The following SNTG1 variants were observed in gnomAD, a reference collection of about 807,000 sequenced individuals.
The protein encoded by SNTG1 is syntrophin gamma 1, also known as gamma-1-syntrophin.
A neutral mutation model predicts 74.7 loss-of-function variants in SNTG1; 39 were observed. That is an observed-to-expected ratio of 0.52 (90% CI 0.40 to 0.68). SNTG1 has a LOEUF of 0.68. Ranked by LOEUF, SNTG1 falls within the 30% of genes least tolerant of loss-of-function variation. The pLI, the probability that SNTG1 is intolerant of heterozygous loss-of-function variation, is 0.00. For missense variants in SNTG1, 685 were observed against 609.5 expected (o/e 1.12, Z -1.30); for synonymous variants, 254 against 217.1 (o/e 1.17, Z -1.49).
intron 16 of SNTG1, among the ~76,000 whole-genome samples, chr8:50,705,665 T>C (rs576714541): frequency 3.3e-5 from 5 of 152,316 alleles, no homozygotes; most frequent in African/African-American, 1.2e-4. Flanking sequence ...TGGAATTATC[T>C]TATCATGTGC....
At chr8:50,175,511 C>T (rs1294745714) in intron 2 of SNTG1, among the ~76,000 whole-genome samples, 1 of 152,206 alleles carries the variant, frequency 6.6e-6, no homozygotes, top group Non-Finnish European at 1.5e-5. Flanking sequence ...TTATTCTGGG[C>T]TAGCCATCAG....
At chr8:49,993,683 A>G (rs1282728899) in intron 1 of SNTG1, among the ~76,000 whole-genome samples, 1 of 152,130 alleles carries the variant, frequency 6.6e-6, no homozygotes. Context: ...CTGTGTTAGT[A>G]TGCCAAGAAT....
chr8:50,356,924 C>T (rs146635595), intron 2 of SNTG1, among the ~76,000 whole-genome samples: 1 of 152,316 alleles, frequency 6.6e-6, no homozygotes, highest in East Asian at 1.9e-4. Context: ...ACAACCTCAG[C>T]GTGACTTTTG....
At chr8:50,779,244 T>G (rs761222835) in intron 18 of SNTG1, among the ~76,000 whole-genome samples, 10 of 152,282 alleles carry the variant, frequency 6.6e-5, no homozygotes, top group Non-Finnish European at 1.0e-4. Context: ...GTGAAGAAAG[T>G]CATTGGTAGC....
At chr8:50,439,326 A>G (rs1227788682) in intron 5 of SNTG1, among the ~76,000 whole-genome samples, 3 of 152,150 alleles carry the variant, frequency 2.0e-5, no homozygotes, top group Non-Finnish European at 4.4e-5. Flanking sequence ...GTTTAACTTT[A>G]TAATTATTGG....
In SNTG1 at chr8:50,795,690, A is replaced by G. The variant is rs565223621; in HGVS notation, c.*2861A>G. On this transcript the variant is annotated 3_prime_UTR_variant, in exon 19 of 19. Coordinates refer to ENST00000642720, the MANE Select transcript of SNTG1 (RefSeq NM_018967.5). ...AGGTCAGAGAATGAAGTTCAAAGTC[A>G]TTTGAAAACTGCTAACTACTATAAT... The G allele has an allele frequency of 6.6e-6, 1 of 152,220 alleles. No homozygotes were observed. Among genetic ancestry groups the G allele is most frequent in the African/African-American group, 2.4e-5 (1 of 41,560 alleles). 9.4% of individuals were successfully genotyped at this position (152,220 alleles called of 1,614,324 possible).
intron 2 of SNTG1, among the ~76,000 whole-genome samples, chr8:50,208,478 G>T (rs545572868): frequency 6.6e-6 from 1 of 152,176 alleles, no homozygotes; most frequent in Admixed American, 6.5e-5. Context: ...TGGTTCTTCT[G>T]AATACAGCAC....
intron 1 of SNTG1, among the ~76,000 whole-genome samples, chr8:50,116,896 C>T (rs2080842860): frequency 6.6e-6 from 1 of 152,080 alleles, no homozygotes; most frequent in Non-Finnish European, 1.5e-5. Context: ...TTCAGAACTG[C>T]AAAGGAGTCA....
chr8:50,213,762 C>G (rs539851815), intron 2 of SNTG1, among the ~76,000 whole-genome samples: 1 of 151,862 alleles, frequency 6.6e-6, no homozygotes, highest in Non-Finnish European at 1.5e-5. Flanking sequence ...CTTCGCCCAC[C>G]TTTTGACGGG....
intron 1 of SNTG1, among the ~76,000 whole-genome samples, chr8:50,053,036 T>G (rs2130888234): frequency 6.6e-6 from 1 of 152,282 alleles, no homozygotes; most frequent in East Asian, 1.9e-4. Context: ...AGTTCTCATG[T>G]GACCCAGTAA....
intron 2 of SNTG1, among the ~76,000 whole-genome samples, chr8:50,278,752 G>T (rs1416524428): frequency 2.6e-5 from 4 of 151,912 alleles, no homozygotes; most frequent in African/African-American, 9.7e-5. Flanking sequence ...ATCAAGTACA[G>T]TTACATATCT....
chr8:50,415,446 G>A (rs1341806940), intron 4 of SNTG1, among the ~76,000 whole-genome samples: 5 of 152,004 alleles, frequency 3.3e-5, no homozygotes, highest in Admixed American at 6.6e-5. Flanking sequence ...TGATGTAAAT[G>A]TTTACTTATA....
intron 1 of SNTG1, among the ~76,000 whole-genome samples, chr8:49,999,951 C>G (rs530518187): frequency 6.6e-6 from 1 of 152,316 alleles, no homozygotes; most frequent in African/African-American, 2.4e-5. Context: ...GGGCCTCGAT[C>G]AGTTCCTGGC....
intron 18 of SNTG1, among the ~76,000 whole-genome samples, chr8:50,763,041 C>T (rs1056755940): frequency 6.6e-6 from 1 of 151,824 alleles, no homozygotes; most frequent in Non-Finnish European, 1.5e-5. Context: ...CCACACTGAG[C>T]CTCCAGCAAG....
intron 10 of SNTG1, among the ~76,000 whole-genome samples, chr8:50,534,300 G>A (rs2094291950): frequency 6.6e-6 from 1 of 152,056 alleles, no homozygotes; most frequent in Non-Finnish European, 1.5e-5. Flanking sequence ...GGGGTTCTGG[G>A]AAGGAGTTTC....
At chr8:50,383,948 G>A (rs1249472056) in intron 2 of SNTG1, among the ~76,000 whole-genome samples, 2 of 152,148 alleles carry the variant, frequency 1.3e-5, no homozygotes, top group Non-Finnish European at 2.9e-5. Flanking sequence ...ATCATTGTTG[G>A]ATCTCCTAAT....
intron 1 of SNTG1, among the ~76,000 whole-genome samples, chr8:50,148,162 T>C (rs1365726825): frequency 6.6e-6 from 1 of 152,060 alleles, no homozygotes; most frequent in East Asian, 1.9e-4. Flanking sequence ...CTATAGACAC[T>C]ATATTAAATA....
At chr8:50,095,073 A>G (rs1563585089) in intron 1 of SNTG1, among the ~76,000 whole-genome samples, 1 of 152,204 alleles carries the variant, frequency 6.6e-6, no homozygotes, top group African/African-American at 2.4e-5. Flanking sequence ...CAAATACCGC[A>G]TATTCTCACT....
chr8:50,264,355 G>A (rs1038733317), intron 2 of SNTG1, among the ~76,000 whole-genome samples: 22 of 152,002 alleles, frequency 1.4e-4, no homozygotes, highest in Admixed American at 2.6e-4. Context: ...ATCGTTTGAG[G>A]TCAGGAGTTC....
Sources: gnomAD v4.1 joint callset for allele counts (sites outside exome capture counted in the v4.1 genomes callset) on GRCh38, gnomAD v4.1.1 for gene constraint, MANE v1.5 for transcripts, NCBI Gene and HGNC (gene_info 2026-07-23, HGNC 2026-07-21) for gene names.